KLHL29: variants seen among roughly 807,000 people sequenced by gnomAD.
KLHL29 encodes the protein kelch-like protein 29.
In KLHL29, 21 loss-of-function variants were observed where a neutral mutation model predicts 80.4. That is an observed-to-expected ratio of 0.26 (90% CI 0.19 to 0.38). The LOEUF is 0.38. Among genes scored for constraint, KLHL29 ranks in the 10% least tolerant of loss-of-function variants. KLHL29 has a pLI of 1.00. For missense variants in KLHL29, 867 were observed against 1,223.9 expected, an observed-to-expected ratio of 0.71 and a Z score of 4.35; for synonymous variants, 511 against 526.8, an observed-to-expected ratio of 0.97 and a Z score of 0.41.
At chr2:23,461,885 C>T (rs746053060) in intron 1 of KLHL29, among the ~76,000 whole-genome samples, 10 of 151,844 alleles carry the variant, frequency 6.6e-5, no homozygotes, top group South Asian at 2.1e-4. Context: ...AAGTGACACC[C>T]GCTTCTGACC....
At chr2:23,583,710 A>G (rs1355122491) in intron 3 of KLHL29, among the ~76,000 whole-genome samples, 1 of 152,230 alleles carries the variant, frequency 6.6e-6, no homozygotes, top group Non-Finnish European at 1.5e-5. Flanking sequence ...AAATGGAAAC[A>G]GACGTGCTGT....
intron 2 of KLHL29, among the ~76,000 whole-genome samples, chr2:23,513,883 A>G (rs1321030178): frequency 6.6e-6 from 1 of 152,174 alleles, no homozygotes; most frequent in Non-Finnish European, 1.5e-5. Context: ...TTAACAACAC[A>G]TAGGCCTTAT....
At chr2:23,390,561 T>C (rs1666293110) in intron 1 of KLHL29, among the ~76,000 whole-genome samples, 1 of 151,910 alleles carries the variant, frequency 6.6e-6, no homozygotes, top group Non-Finnish European at 1.5e-5. Context: ...TATATACACA[T>C]ACATATATAT....
At chr2:23,439,322 C>T (rs1264843647) in intron 1 of KLHL29, among the ~76,000 whole-genome samples, 1 of 152,040 alleles carries the variant, frequency 6.6e-6, no homozygotes, top group Non-Finnish European at 1.5e-5. Flanking sequence ...CAGTTCTGCT[C>T]TGATTTTAGT....
intron 1 of KLHL29, among the ~76,000 whole-genome samples, chr2:23,417,699 C>G (rs368809366): frequency 1.3e-5 from 2 of 152,292 alleles, no homozygotes; most frequent in East Asian, 3.9e-4. Flanking sequence ...TCACCTTTCT[C>G]TCCCCTCCAG....
intron 3 of KLHL29, among the ~76,000 whole-genome samples, chr2:23,577,529 C>T (rs1667873388): frequency 6.6e-6 from 1 of 151,944 alleles, no homozygotes; most frequent in African/African-American, 2.4e-5. Flanking sequence ...GGTGGGTCAC[C>T]TGAGATCAGG....
At position 23,695,628 on chromosome 2, in the gene KLHL29, G is replaced by C; in HGVS notation, c.1548G>C (p.Ala516=). 1 of 1,550,110 alleles carries C rather than the reference G, an allele frequency of 6.5e-7. No individual in the cohort carries two copies. Among genetic ancestry groups the C allele is most frequent in the Non-Finnish European group, 8.7e-7 (1 of 1,146,364 alleles). Residue 516 remains alanine, a synonymous_variant, in exon 9 of 14, where the codon GCG becomes GCC. Coordinates refer to ENST00000486442, the MANE Select transcript of KLHL29 (RefSeq NM_052920.2). This position sits in a 1 kb window ranked among gnomAD's most constrained non-coding sequence, Gnocchi z 7.6. ...CTGTCTCCTGTACCCTGCAGTACGC[G>C]GCTGAGCTCCTGGCCGTGGTCCGCC... ...KKDPATRTQY[A]AELLAVVRLP... is the part of the protein sequence containing the mutation.
At chr2:23,495,716 G>A (rs1665242982) in intron 2 of KLHL29, among the ~76,000 whole-genome samples, 1 of 152,306 alleles carries the variant, frequency 6.6e-6, no homozygotes, top group South Asian at 2.1e-4. Flanking sequence ...CAGGGCCAGG[G>A]CTCCGGGGGT....
chr2:23,390,715 A>G (rs1666298554), intron 1 of KLHL29, among the ~76,000 whole-genome samples: 2 of 145,922 alleles, frequency 1.4e-5, no homozygotes, highest in African/African-American at 5.1e-5. Context: ...GCAATGACAC[A>G]ATCTTGGCTC....
At chr2:23,615,717 C>T (rs575013267) in intron 3 of KLHL29, among the ~76,000 whole-genome samples, 1 of 152,330 alleles carries the variant, frequency 6.6e-6, no homozygotes, top group South Asian at 2.1e-4. Context: ...CCCCAGACCC[C>T]TCATTTGCAG....
At chr2:23,581,385 G>A (rs1667976456) in intron 3 of KLHL29, among the ~76,000 whole-genome samples, 1 of 152,156 alleles carries the variant, frequency 6.6e-6, no homozygotes, top group Admixed American at 6.5e-5. Flanking sequence ...GGCTCAGCTG[G>A]TTGAGGATGA....
chr2:23,561,817 G>A (rs1293243597), intron 2 of KLHL29, among the ~76,000 whole-genome samples: 1 of 152,086 alleles, frequency 6.6e-6, no homozygotes, highest in African/African-American at 2.4e-5. Flanking sequence ...ACGGTGGGGT[G>A]GGAGGGGATA....
At chr2:23,704,040 G>A (rs1274179475) in intron 13 of KLHL29, among the ~76,000 whole-genome samples, 177 bp downstream of exon 13, 2 of 152,174 alleles carry the variant, frequency 1.3e-5, no homozygotes, top group East Asian at 3.9e-4. Flanking sequence ...TGGAGCCCAC[G>A]GCAGCCTCTG....
At chr2:23,440,683 C>A (rs1663489230) in intron 1 of KLHL29, among the ~76,000 whole-genome samples, 1 of 152,054 alleles carries the variant, frequency 6.6e-6, no homozygotes, top group African/African-American at 2.4e-5. Flanking sequence ...TGAACAGACA[C>A]TTCTCAAAAG....
At chr2:23,425,232 T>C (rs544487135) in intron 1 of KLHL29, among the ~76,000 whole-genome samples, 1 of 152,266 alleles carries the variant, frequency 6.6e-6, no homozygotes, top group East Asian at 1.9e-4. Flanking sequence ...TTTTTTTAAT[T>C]GTAGGGGGTT....
intron 1 of KLHL29, among the ~76,000 whole-genome samples, chr2:23,431,662 G>A (rs972745427): frequency 6.6e-6 from 1 of 152,156 alleles, no homozygotes; most frequent in African/African-American, 2.4e-5. Flanking sequence ...GGAGGCCTAG[G>A]CGGGTGGATC....
chr2:23,511,221 A>T (rs995573166), intron 2 of KLHL29, among the ~76,000 whole-genome samples: 3 of 152,150 alleles, frequency 2.0e-5, no homozygotes, highest in Non-Finnish European at 2.9e-5. Flanking sequence ...AGGATTTGAC[A>T]TTTAAATAAA....
chr2:23,386,080 C>T (rs1294321499), intron 1 of KLHL29, among the ~76,000 whole-genome samples: 1 of 152,102 alleles, frequency 6.6e-6, no homozygotes, highest in Non-Finnish European at 1.5e-5. Context: ...TTCGGAGGTG[C>T]TGGAGGCTTG....
At position 23,552,506 on chromosome 2, in the gene KLHL29, A is replaced by G. The variant is rs79791168; in HGVS notation, c.-45-9646A>G. ...GTTTAGGGTGAGGGTCCTTCCCATT[A>G]CCCCTGGGACCAGCTGCACCCACTG... On this transcript the variant is annotated intron_variant, in intron 2 of 13. Transcript: ENST00000486442. Among the ~76,000 whole-genome samples the G allele has an allele frequency of 7.8e-4, 118 of 152,108 alleles. 2 individuals are homozygous for G. In the East Asian group the frequency reaches 0.02, roughly 26 times the overall value.
Sources: gnomAD v4.1 joint callset for allele counts (sites outside exome capture counted in the v4.1 genomes callset) on GRCh38, gnomAD v4.1.1 for gene constraint, Gnocchi (gnomAD v3.1) non-coding constraint, MANE v1.5 for transcripts, NCBI Gene and HGNC (gene_info 2026-07-23, HGNC 2026-07-21) for gene names.